Variants in DNAL1 observed in about 807,000 individuals in gnomAD.
DNAL1 encodes dynein axonemal light chain 1, also known as chromosome 14 open reading frame 168.
Under a neutral mutation model 29.4 loss-of-function variants are expected in DNAL1, and 17 were observed. The ratio of observed to expected loss-of-function variants is 0.58; its 90% CI spans 0.40 to 0.87. The LOEUF is 0.87. Ranked by LOEUF, DNAL1 falls within the 40% of genes least tolerant of loss-of-function variation. DNAL1 has a pLI of 0.00. For missense variants in DNAL1, 188 were observed against 214.1 expected (o/e 0.88, Z 0.76); for synonymous variants, 78 against 76.3 (o/e 1.02, Z -0.12).
chr14:73,650,183 T>C (rs1243266781), intron 1 of DNAL1, among the ~76,000 whole-genome samples: 1 of 152,050 alleles, frequency 6.6e-6, no homozygotes, highest in East Asian at 1.9e-4. Flanking sequence ...AGAGATGGGG[T>C]GTCACTATAT....
intron 7 of DNAL1, among the ~76,000 whole-genome samples, chr14:73,691,977 G>A (rs1368035809): frequency 0.091 from 14 of 154 alleles, no homozygotes; most frequent in African/African-American, 0.24. Flanking sequence ...ATTATAGGCG[G>A]TGAGCCACTG....
chr14:73,658,989 G>A (rs777992586), intron 3 of DNAL1, 33 bp downstream of exon 3: 3 of 1,339,096 alleles, frequency 2.2e-6, no homozygotes, highest in Admixed American at 2.7e-5. Context: ...CAGTATTGCT[G>A]TTAGGTTTCC....
chr14:73,650,630 CTTTT>C (rs1891092889), intron 1 of DNAL1, among the ~76,000 whole-genome samples: 1 of 152,028 alleles, frequency 6.6e-6, no homozygotes, highest in Non-Finnish European at 1.5e-5. Flanking sequence ...ATTTCCCTTT[CTTTT>C]TATTTATTTT....
chr14:73,694,274 A>ATAAATAAATAAATAAG (rs1892245450), intron 7 of DNAL1, among the ~76,000 whole-genome samples: 1 of 150,938 alleles, frequency 6.6e-6, no homozygotes. Flanking sequence ...AAATAAATAA[A>ATAAATAAATAAATAAG]TAAATAAATA....
At chr14:73,655,840 A>C (rs1371420788) in intron 2 of DNAL1, among the ~76,000 whole-genome samples, 2 of 152,166 alleles carry the variant, frequency 1.3e-5, no homozygotes, top group Admixed American at 1.3e-4. Flanking sequence ...TCAAGCAGCA[A>C]TACTAGAAAG....
Position 73,697,343 on chromosome 14 carries a change from T to A in DNAL1, c.*1401T>A, listed in dbSNP as rs1892323260. ...CATCTTTAAAAAGTGATTGCATAAG[T>A]AGTCCTGGGTTTCAGAAGATTTCAG... On this transcript the variant is annotated 3_prime_UTR_variant, in exon 8 of 8. Coordinates refer to ENST00000553645, the MANE Select transcript of DNAL1 (RefSeq NM_031427.4). 6.6e-6 allele frequency: 1 copy of A among 152,194 alleles called. No individual in the cohort carries two copies. The highest frequency in any genetic ancestry group is 2.4e-5 in the African/African-American group (1 of 41,448). 9.4% of individuals were successfully genotyped at this position (152,194 alleles called of 1,614,324 possible). A position where few individuals can be genotyped will look rare whatever the true frequency, so the allele number is the denominator to read the frequency against.
chr14:73,703,679 G>C lies in DNAL1; in HGVS notation c.*7737G>C, dbSNP rs958373685. 6.6e-6 allele frequency: 1 copy of C among 152,242 alleles called. No individual in the cohort carries two copies. Among genetic ancestry groups the C allele is most frequent in the Non-Finnish European group, 1.5e-5 (1 of 68,158 alleles). The allele number at this position is 152,242 out of a possible 1,614,324, so 9.4% of individuals were successfully genotyped here. On this transcript the variant is annotated 3_prime_UTR_variant, in exon 8 of 8. Coordinates refer to ENST00000553645, the MANE Select transcript of DNAL1 (RefSeq NM_031427.4). ...ACCACCCTTTGCTGACTCTCTTTTC[G>C]GACTCAGCCCGCCTGCACCCAGGTG...
chr14:73,676,126 A>G (rs368499582), intron 5 of DNAL1, among the ~76,000 whole-genome samples: 74 of 151,460 alleles, frequency 4.9e-4, no homozygotes, highest in Middle Eastern at 3.4e-3. Flanking sequence ...CCCAGCTACT[A>G]GGGAGGCTGA....
Position 73,701,422 on chromosome 14 carries a change from T to A in DNAL1, c.*5480T>A, listed in dbSNP as rs1892433801. 1 of 152,242 alleles carries A rather than the reference T, an allele frequency of 6.6e-6. No individual in the cohort carries two copies. Among genetic ancestry groups the A allele is most frequent in the Non-Finnish European group, 1.5e-5 (1 of 68,052 alleles). 9.4% of individuals were successfully genotyped at this position (152,242 alleles called of 1,614,324 possible). A position where few individuals can be genotyped will look rare whatever the true frequency, so the allele number is the denominator to read the frequency against. ...TAATCAGAGTCAGGATTTCCCTTTTTCCCTACTTGAGTCGTCTTCCATGTC... is the reference window on the plus strand; with the variant it reads ...TAATCAGAGTCAGGATTTCCCTTTTACCCTACTTGAGTCGTCTTCCATGTC... On this transcript the variant is annotated 3_prime_UTR_variant, in exon 8 of 8. Transcript: ENST00000553645.
chr14:73,653,415 G>C (rs184299729), intron 1 of DNAL1, among the ~76,000 whole-genome samples: 21 of 152,114 alleles, frequency 1.4e-4, no homozygotes, highest in Admixed American at 5.9e-4. Context: ...GTGGTGGTGC[G>C]ATCATCCCTC....
At chr14:73,691,851 C>A (rs891134979) in intron 7 of DNAL1, among the ~76,000 whole-genome samples, 69 of 139,810 alleles carry the variant, frequency 4.9e-4, no homozygotes, top group South Asian at 1.7e-3. Context: ...GCGCCACCCC[C>A]CCCCCCCAGC....
At position 73,658,071 on chromosome 14, in the gene DNAL1, A is replaced by G. The variant is rs150855523; in HGVS notation, c.43-776A>G. ...TTAAGTCTTTAATTCATCATGGTTG[A>G]TTTTTGCATATGGTGAGAGAAAGGG... On this transcript the variant is annotated intron_variant, in intron 2 of 7. Coordinates refer to ENST00000553645, the MANE Select transcript of DNAL1 (RefSeq NM_031427.4). Among the ~76,000 whole-genome samples, 238 of 152,126 alleles carry G rather than the reference A, an allele frequency of 1.6e-3. 4 individuals carry two copies. The East Asian group carries it at 0.04, about 25-fold the overall frequency.
Position 73,687,326 on chromosome 14 carries a change from T to G in DNAL1, c.332T>G (p.Ile111Ser). The change falls in exon 6 of 8, where the codon ATC becomes AGC. Residue 111 changes from isoleucine to serine, a missense_variant. Ile to Ser is a moderately radical substitution (Grantham distance 142, BLOSUM62 -2). Transcript: ENST00000553645. ...SYNFIEKLKG[I>S]HIMKKLKILY... ...AATTTTATTGAGAAGTTGAAAGGGA[T>G]CCACATAATGAAGAAATTGAAGATT... The G allele has an allele frequency of 6.2e-7, 1 of 1,612,848 alleles. No individual in the cohort carries two copies. Among genetic ancestry groups the G allele is most frequent in the Non-Finnish European group, 8.5e-7 (1 of 1,179,430 alleles).
At chr14:73,650,202 C>T (rs1466053099) in intron 1 of DNAL1, among the ~76,000 whole-genome samples, 3 of 152,092 alleles carry the variant, frequency 2.0e-5, no homozygotes, top group Non-Finnish European at 4.4e-5. Flanking sequence ...ATTGTCCAGG[C>T]TAGTTTCAAC....
rs973401690 is a variant in DNAL1, at chr14:73,698,297, C to G, written c.*2355C>G. The G allele has an allele frequency of 6.6e-6, 1 of 152,156 alleles. No homozygotes were observed. The highest frequency in any genetic ancestry group is 1.5e-5 in the Non-Finnish European group (1 of 68,008). The allele number at this position is 152,156 out of a possible 1,614,324, so 9.4% of individuals were successfully genotyped here. ...TCTATGCATCCCTGTTCATGGAACC[C>G]ATGCCATTAGAAAATGGCAGTTGGG... On this transcript the variant is annotated 3_prime_UTR_variant, in exon 8 of 8. Transcript: ENST00000553645.
intron 6 of DNAL1, among the ~76,000 whole-genome samples, chr14:73,688,086 GC>G (rs772490599): frequency 4.0e-5 from 6 of 151,892 alleles, no homozygotes; most frequent in Non-Finnish European, 5.9e-5. Context: ...AAAAATTTAA[GC>G]TATTATCCAA....
Position 73,699,084 on chromosome 14 carries a change from A to G in DNAL1, c.*3142A>G, listed in dbSNP as rs1892369823. 1 of 152,198 alleles carries G rather than the reference A, an allele frequency of 6.6e-6. No individual in the cohort carries two copies. Among genetic ancestry groups the G allele is most frequent in the Admixed American group, 6.5e-5 (1 of 15,282 alleles). 9.4% of individuals were successfully genotyped at this position (152,198 alleles called of 1,614,324 possible). A position where few individuals can be genotyped will look rare whatever the true frequency, so the allele number is the denominator to read the frequency against. ...ATTCCAGTAGACCCCCTCCTCAGCC[A>G]TGACAACAAAGATATCTCCAGACAT... On this transcript the variant is annotated 3_prime_UTR_variant, in exon 8 of 8. Coordinates refer to ENST00000553645, the MANE Select transcript of DNAL1 (RefSeq NM_031427.4).
At chr14:73,677,548 T>A (rs1210495208) in intron 5 of DNAL1, among the ~76,000 whole-genome samples, 2 of 149,020 alleles carry the variant, frequency 1.3e-5, no homozygotes, top group African/African-American at 2.4e-5. Context: ...ATAAATATAT[T>A]TATTTATTTA....
intron 2 of DNAL1, among the ~76,000 whole-genome samples, chr14:73,656,200 A>G (rs571928723): frequency 6.6e-6 from 1 of 152,238 alleles, no homozygotes; most frequent in Non-Finnish European, 1.5e-5. Flanking sequence ...TTCTTGTTTT[A>G]GTGCTTATAA....
Sources: gnomAD v4.1 joint callset for allele counts (sites outside exome capture counted in the v4.1 genomes callset) on GRCh38, gnomAD v4.1.1 for gene constraint, MANE v1.5 for transcripts, NCBI Gene and HGNC (gene_info 2026-07-23, HGNC 2026-07-21) for gene names.